The following NIBAN1 variants were observed in gnomAD, a reference collection of about 807,000 sequenced individuals.
The protein encoded by NIBAN1 is niban apoptosis regulator 1.
In NIBAN1, 81 loss-of-function variants were observed where a neutral mutation model predicts 75.1. That is an observed-to-expected ratio of 1.08 (90% confidence interval 0.90 to 1.30). NIBAN1 has a LOEUF of 1.30. Among genes scored for constraint, NIBAN1 ranks in the 50% most tolerant of loss-of-function variants. The pLI, the probability that NIBAN1 is intolerant of heterozygous loss-of-function variation, is 0.00. For synonymous variants in NIBAN1, 436 were observed against 424.8 expected, an observed-to-expected ratio of 1.03 and a Z score of -0.32; for missense variants, 1,133 against 1,128.1, an observed-to-expected ratio of 1.00 and a Z score of -0.06.
intron 1 of NIBAN1, among the ~76,000 whole-genome samples, chr1:184,909,426 G>T (rs114958090): frequency 6.6e-6 from 1 of 151,808 alleles, no homozygotes; most frequent in East Asian, 1.9e-4. Context: ...GTAAAAAAAC[G>T]CATTTCTAGA....
chr1:184,800,130 T>C (rs1426481113), intron 12 of NIBAN1, among the ~76,000 whole-genome samples: 4 of 147,400 alleles, frequency 2.7e-5, no homozygotes, highest in Admixed American at 6.8e-5. Context: ...GGTGAGCATT[T>C]TTTCATGTGT....
chr1:184,795,551 C>T lies in NIBAN1; in HGVS notation c.2213G>A (p.Ser738Asn). The T allele has an allele frequency of 6.2e-7, 1 of 1,614,162 alleles. No individual in the cohort carries two copies. Among genetic ancestry groups the T allele is most frequent in the Non-Finnish European group, 8.5e-7 (1 of 1,180,032 alleles). The change falls in exon 14 of 14, where the codon AGC (serine) becomes AAC (asparagine). Residue 738 changes from serine (S) to asparagine (N), a missense_variant. Coordinates refer to ENST00000367511, the MANE Select transcript of NIBAN1 (RefSeq NM_052966.4). Reference sequence around the variant, plus strand: ...TTCTTCATTTTCTTGGGGAACGTGGCTCTCCCCATTCGTATCTTCTTCCAT... The same window carrying T: ...TTCTTCATTTTCTTGGGGAACGTGGTTCTCCCCATTCGTATCTTCTTCCAT... The part of the protein sequence containing the change: ...PVMEEDTNGE[S>N]HVPQENEEEE...
At chr1:184,913,192 A>G (rs1466718778) in intron 1 of NIBAN1, among the ~76,000 whole-genome samples, 1 of 149,092 alleles carries the variant, frequency 6.7e-6, no homozygotes, top group African/African-American at 2.5e-5. Flanking sequence ...AGGTATATAT[A>G]TATATAGGAA....
chr1:184,895,761 G>A (rs1476883419), intron 2 of NIBAN1, among the ~76,000 whole-genome samples: 4 of 151,936 alleles, frequency 2.6e-5, no homozygotes, highest in Admixed American at 2.0e-4. Context: ...CCATCTTTAT[G>A]TCCATGTGTA....
At chr1:184,800,518 A>T (rs1444711810) in intron 12 of NIBAN1, among the ~76,000 whole-genome samples, 1 of 151,426 alleles carries the variant, frequency 6.6e-6, no homozygotes, top group Non-Finnish European at 1.5e-5. Context: ...TTAAGTCTTT[A>T]ATCCATCTTG....
chr1:184,954,113 C>A (rs190459427), intron 1 of NIBAN1, among the ~76,000 whole-genome samples: 13 of 152,226 alleles, frequency 8.5e-5, no homozygotes, highest in Non-Finnish European at 4.4e-5. Flanking sequence ...ACATACACAA[C>A]GGCTCAAATG....
Position 184,894,067 on chromosome 1 carries a change from T to G in NIBAN1, c.318+8A>C. On this transcript the variant is annotated splice_region_variant and intron_variant, in intron 3 of 13. Coordinates refer to ENST00000367511, the MANE Select transcript of NIBAN1 (RefSeq NM_052966.4). The stretch of plus-strand genomic sequence containing the variant: ...GTAAGAATCAGTAGTAACAAAGAAG[T>G]GTCTTACCTCTTTATTCTCATAGCT... 6.3e-7 allele frequency: 1 copy of G among 1,591,976 alleles called. No homozygotes were observed.
intron 1 of NIBAN1, among the ~76,000 whole-genome samples, chr1:184,936,698 C>CGT (rs1415169805): frequency 2.6e-5 from 4 of 151,746 alleles, no homozygotes; most frequent in African/African-American, 4.9e-5. Context: ...TGCGTGCGTG[C>CGT]GTGTGTGTGT....
At chr1:184,821,483 A>G (rs1047947185) in intron 8 of NIBAN1, 5 of 152,352 alleles carry the variant, frequency 3.3e-5, no homozygotes, top group African/African-American at 1.2e-4. Flanking sequence ...AAAGAGCTGT[A>G]ACACTGATAT....
chr1:184,942,266 C>G (rs1324053431), intron 1 of NIBAN1, among the ~76,000 whole-genome samples: 6 of 152,234 alleles, frequency 3.9e-5, no homozygotes, highest in Admixed American at 3.9e-4. Flanking sequence ...TTTCCACTTG[C>G]TGTGTGCATT....
At chr1:184,867,043 A>G (rs1655974702) in intron 5 of NIBAN1, among the ~76,000 whole-genome samples, 1 of 152,186 alleles carries the variant, frequency 6.6e-6, no homozygotes, top group Admixed American at 6.6e-5. Context: ...GATGACTTAC[A>G]TCTGTACAAA....
chr1:184,909,951 A>G (rs959367848), intron 1 of NIBAN1, among the ~76,000 whole-genome samples: 2 of 152,206 alleles, frequency 1.3e-5, no homozygotes, highest in Non-Finnish European at 2.9e-5. Flanking sequence ...GCTATGGTAC[A>G]TGATGCTCTA....
chr1:184,843,201 C>T (rs904752795), intron 5 of NIBAN1, among the ~76,000 whole-genome samples: 3 of 152,332 alleles, frequency 2.0e-5, no homozygotes, highest in East Asian at 1.9e-4. Context: ...CTTCCTCCTC[C>T]CTTCGGAAGC....
intron 1 of NIBAN1, among the ~76,000 whole-genome samples, chr1:184,937,156 T>C (rs1657984478): frequency 6.7e-6 from 1 of 148,318 alleles, no homozygotes; most frequent in African/African-American, 2.5e-5. Flanking sequence ...TTTTTTTTTT[T>C]TTTTTTTTTT....
At chr1:184,864,639 C>T (rs867349981) in intron 5 of NIBAN1, among the ~76,000 whole-genome samples, 10 of 151,752 alleles carry the variant, frequency 6.6e-5, no homozygotes, top group African/African-American at 1.5e-4. Context: ...AAAAAAAATA[C>T]GTAAAATGAA....
intron 1 of NIBAN1, among the ~76,000 whole-genome samples, chr1:184,943,231 T>C (rs553866073): frequency 3.3e-5 from 5 of 152,310 alleles, no homozygotes; most frequent in African/African-American, 1.2e-4. Flanking sequence ...TTACAAAATT[T>C]GATCAGAATG....
chr1:184,909,391 T>C (rs1657183616), intron 1 of NIBAN1, among the ~76,000 whole-genome samples: 1 of 152,188 alleles, frequency 6.6e-6, no homozygotes, highest in African/African-American at 2.4e-5. Context: ...ACATTTTTTC[T>C]TTCTCAAGAA....
Position 184,890,232 on chromosome 1 carries a change from G to A in NIBAN1, c.319-10C>T, listed in dbSNP as rs755616012. The stretch of plus-strand genomic sequence containing the variant: ...CTCCTCTCTGATAGGCCTGGGGAGG[G>A]AAAGGCACACAGGAATGATATCTTT... On this transcript the variant is annotated splice_polypyrimidine_tract_variant and intron_variant, in intron 3 of 13. Transcript: ENST00000367511. 2 of 1,588,280 alleles carry A rather than the reference G, an allele frequency of 1.3e-6. No homozygotes were observed. The highest frequency in any genetic ancestry group is 3.3e-5 in the Admixed American group (2 of 59,950).
intron 4 of NIBAN1, among the ~76,000 whole-genome samples, chr1:184,885,545 C>T (rs1233320545): frequency 6.6e-6 from 1 of 152,204 alleles, no homozygotes; most frequent in Non-Finnish European, 1.5e-5. Context: ...CCTCCTGCCC[C>T]TCTGCAGGCC....
Sources: gnomAD v4.1 joint callset for allele counts (sites outside exome capture counted in the v4.1 genomes callset) on GRCh38, gnomAD v4.1.1 for gene constraint, MANE v1.5 for transcripts, NCBI Gene and HGNC (gene_info 2026-07-23, HGNC 2026-07-21) for gene names.